The following LRRC8C variants were observed in gnomAD, a reference collection of about 807,000 sequenced individuals.
LRRC8C encodes leucine rich repeat containing 8 VRAC subunit C.
LRRC8C carries 20 observed loss-of-function variants against 55.3 expected under a neutral mutation model. The ratio of observed to expected loss-of-function variants is 0.36; its 90% CI spans 0.25 to 0.53. The LOEUF is 0.53. LRRC8C is among the 20% of genes least tolerant of loss of function. The pLI, the probability that LRRC8C is intolerant of heterozygous loss-of-function variation, is 0.92. For missense variants in LRRC8C, 659 were observed against 951.4 expected (o/e 0.69, Z 4.04); for synonymous variants, 376 against 360.7 (o/e 1.04, Z -0.48).
chr1:89,635,604 AT>A (rs1372636655), intron 1 of LRRC8C, among the ~76,000 whole-genome samples: 1 of 152,054 alleles, frequency 6.6e-6, no homozygotes, highest in Non-Finnish European at 1.5e-5. Context: ...CTGCTTATTT[AT>A]TTTTTCTATA....
chr1:89,718,188 C>A lies in LRRC8C; in HGVS notation c.*3206C>A, dbSNP rs1019648296. On this transcript the variant is annotated 3_prime_UTR_variant, in exon 3 of 3. Coordinates refer to ENST00000370454, the MANE Select transcript of LRRC8C (RefSeq NM_032270.5). ...TATTTCAAGTGTAAGTTATTCTTCA[C>A]CCACCCCTTCCCCTGCCATTGTATT... The A allele has an allele frequency of 9.9e-5, 15 of 152,268 alleles. No homozygotes were observed. The East Asian group carries it at 1.5e-3, about 16-fold the overall frequency. The allele number at this position is 152,268 out of a possible 1,614,324, so 9.4% of individuals were successfully genotyped here.
chr1:89,681,572 G>A (rs1276149556), intron 1 of LRRC8C, among the ~76,000 whole-genome samples: 1 of 152,224 alleles, frequency 6.6e-6, no homozygotes, highest in Non-Finnish European at 1.5e-5. Context: ...AATCATGGTG[G>A]AAGGTGAAGG....
At chr1:89,670,000 G>A (rs145361386) in intron 1 of LRRC8C, among the ~76,000 whole-genome samples, 380 of 152,198 alleles carry the variant, frequency 2.5e-3, no homozygotes, top group African/African-American at 8.8e-3. Flanking sequence ...AAGTGAGTGG[G>A]TGGAAATAAT....
At chr1:89,635,473 T>C (rs1372724034) in intron 1 of LRRC8C, among the ~76,000 whole-genome samples, 2 of 152,194 alleles carry the variant, frequency 1.3e-5, no homozygotes, top group Non-Finnish European at 2.9e-5. Context: ...GCCATCCACA[T>C]TTTACATAAG....
At chr1:89,653,148 A>G (rs750833489) in intron 1 of LRRC8C, among the ~76,000 whole-genome samples, 20 of 152,176 alleles carry the variant, frequency 1.3e-4, no homozygotes, top group Non-Finnish European at 1.9e-4. Flanking sequence ...TGTGGTATAG[A>G]GCAATCATTA....
At chr1:89,618,122 T>C in the LRRC8C span, among the ~76,000 whole-genome samples, 6 of 152,200 alleles carry the variant, frequency 3.9e-5, no homozygotes, top group Non-Finnish European at 8.8e-5. Context: ...GTTGAGTTTT[T>C]AACTCAGGTC....
intron 1 of LRRC8C, among the ~76,000 whole-genome samples, chr1:89,681,011 G>A (rs1205572814): frequency 6.6e-6 from 1 of 152,184 alleles, no homozygotes. Flanking sequence ...TTACTAATAA[G>A]ATAAATTAAA....
intron 1 of LRRC8C, among the ~76,000 whole-genome samples, chr1:89,638,661 A>G (rs926581233): frequency 2.0e-5 from 3 of 152,298 alleles, no homozygotes; most frequent in African/African-American, 4.8e-5. Flanking sequence ...CAAATAAAAC[A>G]TACTTTATTG....
intron 1 of LRRC8C, among the ~76,000 whole-genome samples, chr1:89,663,816 A>T (rs910873722): frequency 6.6e-6 from 1 of 152,134 alleles, no homozygotes; most frequent in Non-Finnish European, 1.5e-5. Flanking sequence ...AATGATCGCC[A>T]TTCTAACTGG....
At chr1:89,662,721 G>A (rs972385495) in intron 1 of LRRC8C, among the ~76,000 whole-genome samples, 3 of 152,088 alleles carry the variant, frequency 2.0e-5, no homozygotes, top group Non-Finnish European at 4.4e-5. Context: ...CCTGAATAAT[G>A]CTAGTTATAG....
At chr1:89,621,846 C>A in the LRRC8C span, among the ~76,000 whole-genome samples, 1 of 152,166 alleles carries the variant, frequency 6.6e-6, no homozygotes, top group African/African-American at 2.4e-5. Context: ...TGGGATACAG[C>A]AAAACCTTAT....
the LRRC8C span, among the ~76,000 whole-genome samples, chr1:89,628,050 G>A: frequency 6.6e-6 from 1 of 152,190 alleles, no homozygotes; most frequent in Non-Finnish European, 1.5e-5. Flanking sequence ...CCTGCATTTA[G>A]CACATAATGT....
Position 89,714,473 on chromosome 1 carries a change from C to T in LRRC8C, c.1903C>T (p.His635Tyr). 6.2e-7 allele frequency: 1 copy of T among 1,614,136 alleles called. No homozygotes were observed. The highest frequency in any genetic ancestry group is 8.5e-7 in the Non-Finnish European group (1 of 1,180,018). The change falls in exon 3 of 3, where the codon CAC becomes TAC. Residue 635 changes from histidine to tyrosine, a missense_variant. His to Tyr is a moderately conservative substitution (Grantham distance 83, BLOSUM62 2). Around this residue, in one of 5 missense-constraint regions of LRRC8C, gnomAD observed 344 missense variants for 464.6 expected, o/e 0.74. Transcript: ENST00000370454. The surrounding 1 kb of genome is among the most constrained non-coding windows in gnomAD (Gnocchi z 4.6). ...KSIEEIVSFQ[H>Y]LRKLTVLKLW... Reference sequence around the variant, plus strand: ...TATAGAAGAAATCGTTAGCTTTCAGCACTTAAGAAAGTTGACAGTGCTAAA... The same window carrying T: ...TATAGAAGAAATCGTTAGCTTTCAGTACTTAAGAAAGTTGACAGTGCTAAA...
chr1:89,658,220 G>T (rs1411457671), intron 1 of LRRC8C, among the ~76,000 whole-genome samples: 1 of 151,990 alleles, frequency 6.6e-6, no homozygotes, highest in Non-Finnish European at 1.5e-5. Context: ...TTATATTTCT[G>T]CCCGACCTCT....
intron 2 of LRRC8C, among the ~76,000 whole-genome samples, chr1:89,711,339 A>T (rs1658642843): frequency 6.6e-6 from 1 of 152,246 alleles, no homozygotes; most frequent in Admixed American, 6.5e-5. Context: ...ATGCTATAGC[A>T]GACCACTTTA....
Position 89,715,923 on chromosome 1 carries a change from T to TG in LRRC8C, c.*941_*942insG, listed in dbSNP as rs1363332151. 6.6e-6 allele frequency: 1 copy of TG among 152,186 alleles called. No individual in the cohort carries two copies. The highest frequency in any genetic ancestry group is 1.5e-5 in the Non-Finnish European group (1 of 68,026). 9.4% of individuals were successfully genotyped at this position (152,186 alleles called of 1,614,324 possible). On this transcript the variant is annotated 3_prime_UTR_variant, in exon 3 of 3. Transcript: ENST00000370454. ...GTGCTCCAGTGAGGCCCTCTCCTTT[T>TG]CTCAGCACAGTGTGGCAGTGGTAAT...
chr1:89,651,268 A>C (rs936563309), intron 1 of LRRC8C, among the ~76,000 whole-genome samples: 14 of 152,184 alleles, frequency 9.2e-5, no homozygotes, highest in African/African-American at 3.4e-4. Flanking sequence ...TAAATTTTTT[A>C]AAAAGAATAT....
intron 1 of LRRC8C, among the ~76,000 whole-genome samples, chr1:89,676,033 T>C (rs1657540230): frequency 6.6e-6 from 1 of 152,144 alleles, no homozygotes; most frequent in Non-Finnish European, 1.5e-5. Flanking sequence ...TTAAATGTAC[T>C]TGAATTGTGC....
At chr1:89,631,344 A>C (rs374360162), upstream of LRRC8C, among the ~76,000 whole-genome samples, 2 of 152,228 alleles carry the variant, frequency 1.3e-5, 1 homozygote, top group Admixed American at 1.3e-4. Flanking sequence ...TACAAAGTCT[A>C]AGGTTCAATG....
Sources: allele counts gnomAD v4.1 joint callset (sites outside exome capture counted in the v4.1 genomes callset), GRCh38; gene constraint gnomAD v4.1.1; regional missense constraint gnomAD v4.1.1; non-coding constraint Gnocchi (gnomAD v3.1); transcripts MANE v1.5; gene names NCBI Gene and HGNC (gene_info 2026-07-23, HGNC 2026-07-21).